Variants in NRXN3 observed in about 807,000 individuals in gnomAD.
NRXN3 encodes neurexin III.
In NRXN3, 32 loss-of-function variants were observed where a neutral mutation model predicts 137.6. The observed-to-expected ratio is 0.23, with a 90% CI of 0.18 to 0.31. The LOEUF (loss-of-function observed/expected upper bound fraction) is 0.31. Among genes scored for constraint, NRXN3 ranks in the 10% least tolerant of loss-of-function variants. NRXN3 has a pLI of 1.00. For synonymous variants in NRXN3, 798 were observed against 784.5 expected, an observed-to-expected ratio of 1.02 and a Z score of -0.29; for missense variants, 1,574 against 2,062.5, an observed-to-expected ratio of 0.76 and a Z score of 4.59.
chr14:79,587,867 ACACT>A (rs1463145051), intron 16 of NRXN3, among the ~76,000 whole-genome samples: 2 of 152,198 alleles, frequency 1.3e-5, no homozygotes, highest in Non-Finnish European at 2.9e-5. Flanking sequence ...TGTAGATATG[ACACT>A]CACTTTAAGA....
At chr14:78,484,027 C>CACACACAGAGAG (rs1229106899) in intron 4 of NRXN3, among the ~76,000 whole-genome samples, 2 of 137,084 alleles carry the variant, frequency 1.5e-5, no homozygotes, top group African/African-American at 5.8e-5. Flanking sequence ...CACACACACA[C>CACACACAGAGAG]AGAGAGAGAG....
chr14:79,707,002 G>C (rs1052858912), intron 19 of NRXN3, among the ~76,000 whole-genome samples: 1 of 152,108 alleles, frequency 6.6e-6, no homozygotes, highest in African/African-American at 2.4e-5. Context: ...CCCTACGGGT[G>C]GTGCTGAGGC....
intron 15 of NRXN3, among the ~76,000 whole-genome samples, chr14:79,026,619 A>T (rs1328318966): frequency 6.6e-5 from 10 of 152,142 alleles, no homozygotes; most frequent in Admixed American, 3.9e-4. Flanking sequence ...ACGGAACTGC[A>T]GGAGTGTTTT....
At position 79,765,520 on chromosome 14, in the gene NRXN3, TTC is replaced by T. The variant is rs1306351241; in HGVS notation, c.4015-39590_4015-39589del. Among the ~76,000 whole-genome samples, 17 of 152,332 alleles carry T rather than the reference TTC, an allele frequency of 1.1e-4. No homozygotes were observed. In the East Asian group the frequency reaches 3.3e-3, roughly 29 times the overall value. ...GTGGTAATATCTCATTTGTGGGAACTTCTGTGACACTATTAGGGGACAGATAC... is the reference window on the plus strand; with the variant it reads ...GTGGTAATATCTCATTTGTGGGAACTTGTGACACTATTAGGGGACAGATAC... On this transcript the variant is annotated intron_variant, in intron 19 of 20. Transcript: ENST00000335750.
intron 15 of NRXN3, among the ~76,000 whole-genome samples, chr14:79,445,746 C>T (rs1297579999): frequency 2.6e-5 from 4 of 152,242 alleles, no homozygotes; most frequent in African/African-American, 7.2e-5. Context: ...GAAGAAATCC[C>T]AGTGCTTGTA....
intron 19 of NRXN3, among the ~76,000 whole-genome samples, chr14:79,746,497 G>C (rs1471080466): frequency 4.6e-5 from 7 of 152,130 alleles, no homozygotes; most frequent in African/African-American, 1.7e-4. Context: ...TGCAGAAATG[G>C]AGGTTAGGTA....
intron 15 of NRXN3, among the ~76,000 whole-genome samples, chr14:79,345,532 G>A (rs182243054): frequency 6.6e-6 from 1 of 152,174 alleles, no homozygotes; most frequent in Admixed American, 6.5e-5. Context: ...ATATAGTTTG[G>A]GTACTTGTCC....
intron 1 of NRXN3, among the ~76,000 whole-genome samples, chr14:78,216,920 T>C (rs1413237170): frequency 6.6e-6 from 1 of 152,194 alleles, no homozygotes. Flanking sequence ...CCTGTGTCTC[T>C]GTGTCCACAT....
At position 79,664,214 on chromosome 14, in the gene NRXN3, C is replaced by T. The variant is rs75602656; in HGVS notation, c.3616+265C>T. Among the ~76,000 whole-genome samples, 496 of 152,166 alleles carry T rather than the reference C, an allele frequency of 3.3e-3. 2 individuals carry two copies. Among genetic ancestry groups the T allele is most frequent in the Non-Finnish European group, 3.3e-3 (226 of 67,998 alleles). On this transcript the variant is annotated intron_variant, in intron 17 of 20. Transcript: ENST00000335750. ...GACTGGCTCATACCAAAGACAATTA[C>T]GGTAGATTTTGCAGGGCCTGTAGAT...
intron 15 of NRXN3, among the ~76,000 whole-genome samples, chr14:79,278,807 C>T (rs1210416755): frequency 1.3e-5 from 2 of 152,168 alleles, no homozygotes; most frequent in Non-Finnish European, 2.9e-5. Flanking sequence ...AGATTCCCAT[C>T]ATTCGCCCTG....
At chr14:79,534,261 G>A (rs2097193164) in intron 16 of NRXN3, among the ~76,000 whole-genome samples, 1 of 152,112 alleles carries the variant, frequency 6.6e-6, no homozygotes, top group Non-Finnish European at 1.5e-5. Flanking sequence ...CCAATTTATG[G>A]CCAAGACTGG....
intron 16 of NRXN3, among the ~76,000 whole-genome samples, chr14:79,616,163 CAGAA>C (rs1486285060): frequency 6.6e-6 from 1 of 152,056 alleles, no homozygotes; most frequent in Non-Finnish European, 1.5e-5. Context: ...GTTGTGGAAA[CAGAA>C]GGATTGATTA....
At chr14:79,316,815 T>C (rs1282650378) in intron 15 of NRXN3, among the ~76,000 whole-genome samples, 1 of 151,998 alleles carries the variant, frequency 6.6e-6, no homozygotes, top group East Asian at 1.9e-4. Context: ...TTTAGAAGTT[T>C]TCCTATATTA....
chr14:79,038,177 A>G (rs1386106089), intron 15 of NRXN3, among the ~76,000 whole-genome samples: 1 of 152,062 alleles, frequency 6.6e-6, no homozygotes, highest in East Asian at 1.9e-4. Context: ...AACATTACTT[A>G]CAATTTATAG....
rs1285988971 is a variant in NRXN3, at chr14:78,926,920, AATATATAATATATTTATATAT to A, written c.2276-30308_2276-30288del. ...TATATAATATATATAATATATATAT[AATATATAATATATTTATATAT>A]ATATATAATATATATAATATATATA... is the stretch of plus-strand genomic sequence containing the variant. On this transcript the variant is annotated intron_variant, in intron 10 of 20. Transcript: ENST00000335750. Among the ~76,000 whole-genome samples the A allele has an allele frequency of 6.9e-5, 2 of 29,028 alleles. 1 individual carries two copies. Among genetic ancestry groups the A allele is most frequent in the African/African-American group, 6.4e-4 (2 of 3,112 alleles). 19.0% of individuals were successfully genotyped at this position (29,028 alleles called of 152,430 possible). A position where few individuals can be genotyped will look rare whatever the true frequency, so the allele number is the denominator to read the frequency against.
At chr14:78,489,059 T>C (rs979849436) in intron 4 of NRXN3, among the ~76,000 whole-genome samples, 1 of 152,018 alleles carries the variant, frequency 6.6e-6, no homozygotes, top group Non-Finnish European at 1.5e-5. Context: ...GAAGAGAAAG[T>C]AAATGGAGGC....
chr14:79,503,182 AT>A (rs1292503119), intron 16 of NRXN3, among the ~76,000 whole-genome samples: 3 of 151,698 alleles, frequency 2.0e-5, no homozygotes, highest in African/African-American at 7.3e-5. Flanking sequence ...ATCTAGTTTA[AT>A]TTTTCCCCTT....
In NRXN3 at chr14:79,178,507, T is replaced by G. The variant is rs201901381; in HGVS notation, c.3262+190366T>G. 9.9e-5 allele frequency among the ~76,000 whole-genome samples: 15 copies of G among 152,248 alleles called. 1 individual carries two copies. In the East Asian group the frequency reaches 1.7e-3, roughly 18 times the overall value. On this transcript the variant is annotated intron_variant, in intron 15 of 20. Coordinates refer to ENST00000335750, the MANE Select transcript of NRXN3 (RefSeq NM_001330195.2). ...AAAGGAATGGAAAAACAACATTTACTTTCATCAAATTGTTGTCTAGCCTCT... is the reference window on the plus strand; with the variant it reads ...AAAGGAATGGAAAAACAACATTTACGTTCATCAAATTGTTGTCTAGCCTCT...
At chr14:79,855,613 T>C (rs527347738) in intron 20 of NRXN3, among the ~76,000 whole-genome samples, 1 of 152,108 alleles carries the variant, frequency 6.6e-6, no homozygotes, top group African/African-American at 2.4e-5. Flanking sequence ...ATTTCTTATA[T>C]TCTATTATTT....
Sources: gnomAD v4.1 joint callset for allele counts (sites outside exome capture counted in the v4.1 genomes callset) on GRCh38, gnomAD v4.1.1 for gene constraint, MANE v1.5 for transcripts, NCBI Gene and HGNC (gene_info 2026-07-23, HGNC 2026-07-21) for gene names.